APTX: variants seen among roughly 807,000 people sequenced by gnomAD.
APTX encodes the protein forkhead-associated domain histidine triad-like protein.
A neutral mutation model predicts 42.3 loss-of-function variants in APTX; 33 were observed. The ratio of observed to expected loss-of-function variants is 0.78; its 90% CI spans 0.59 to 1.04. APTX has a LOEUF of 1.04. APTX is among the 50% of genes least tolerant of loss of function. APTX has a pLI of 0.00. For missense variants in APTX, 421 were observed against 415.1 expected, an observed-to-expected ratio of 1.01 and a Z score of -0.12; for synonymous variants, 130 against 146.7, an observed-to-expected ratio of 0.89 and a Z score of 0.82.
At chr9:32,973,757 C>T in intron 7 of APTX, 105 bp from the exon 8 acceptor site, 1 of 1,444,048 alleles carries the variant, frequency 6.9e-7, no homozygotes, top group Admixed American at 1.7e-5. Flanking sequence ...ATCAGTATGC[C>T]AGGCCAGGTA....
intron 6 of APTX, among the ~76,000 whole-genome samples, chr9:32,975,540 A>T (rs1339611372): frequency 2.0e-5 from 3 of 152,190 alleles, no homozygotes; most frequent in African/African-American, 7.2e-5. Context: ...ACTACTAAAA[A>T]TACAAAAAAC....
rs77161044 is a variant in APTX at position 33,020,164 on chromosome 9, A to G, written c.-5+4859T>C. ...CCTGGCTCCGACTCCTTTTCTTTGTAAACTAAAGAAAAAAGTATAGCTGTA... is the reference window on the plus strand; with the variant it reads ...CCTGGCTCCGACTCCTTTTCTTTGTGAACTAAAGAAAAAAGTATAGCTGTA... On this transcript the variant is annotated intron_variant, in intron 1 of 6. Transcript: ENST00000436040. 4.6e-3 allele frequency: 1,445 copies of G among 312,580 alleles called. 26 individuals carry two copies. The highest frequency in any genetic ancestry group is 0.029 in the African/African-American group (1,360 of 46,694). The allele number at this position is 312,580 out of a possible 1,614,324, so 19.4% of individuals were successfully genotyped here.
rs186717279 is a variant in APTX at position 33,012,496 on chromosome 9, A to G, written c.-5+12527T>C. On this transcript the variant is annotated intron_variant, in intron 1 of 6. Transcript: ENST00000436040. ...CAAGTACAATACAAGCAGAACCTTAATAACTGCTTACACATTGTGGCCTAT... is the reference window on the plus strand; with the variant it reads ...CAAGTACAATACAAGCAGAACCTTAGTAACTGCTTACACATTGTGGCCTAT... Among the ~76,000 whole-genome samples the G allele has an allele frequency of 2.6e-4, 40 of 152,238 alleles. 1 individual carries two copies. The East Asian group carries it at 2.9e-3, about 11-fold the overall frequency.
intron 1 of APTX, among the ~76,000 whole-genome samples, chr9:33,018,258 G>A (rs576783044): frequency 9.1e-4 from 138 of 150,992 alleles, no homozygotes; most frequent in African/African-American, 3.3e-3. Context: ...CTACAGGCAC[G>A]TGCCACTACA....
chr9:32,988,265 T>C, intron 2 of APTX, 136 bp from the exon 3 acceptor site: 1 of 754,254 alleles, frequency 1.3e-6, no homozygotes, highest in Non-Finnish European at 2.4e-6. Context: ...CTATTAGCAA[T>C]CACCTGTTAT....
At position 32,973,502 on chromosome 9, in the gene APTX, T is replaced by C; in HGVS notation, c.1025A>G (p.Gln342Arg). Reference sequence around the variant, plus strand: ...AGCAGCTCAGGCTCTGCAGAATCACTGTGTCCAGTGCTTCCTGAGATGTTC... The same window carrying C: ...AGCAGCTCAGGCTCTGCAGAATCACCGTGTCCAGTGCTTCCTGAGATGTTC... ...LKEHLRKHWT[Q>R] The change falls in exon 8 of 8, where the codon CAG (glutamine) becomes CGG (arginine). Residue 342 changes from glutamine to arginine, a missense_variant. Transcript: ENST00000379817. 6.2e-7 allele frequency: 1 copy of C among 1,614,080 alleles called. No individual in the cohort carries two copies.
At chr9:33,015,758 TAC>T (rs1405656117) in intron 1 of APTX, 1 of 152,252 alleles carries the variant, frequency 6.6e-6, no homozygotes, top group African/African-American at 2.4e-5. Context: ...TTTTTAATCT[TAC>T]AGAGTAGATC....
rs1828519011 is a variant in APTX, at chr9:32,973,455, C to T, written c.*43G>A. 1 of 1,609,566 alleles carries T rather than the reference C, an allele frequency of 6.2e-7. No individual in the cohort carries two copies. Among genetic ancestry groups the T allele is most frequent in the African/African-American group, 1.3e-5 (1 of 74,874 alleles). ...ACCCAGAATAGGTGCCAGCAGTTTGCTCCAGTGGGCCACACCACAGCAGCA... is the reference window on the plus strand; with the variant it reads ...ACCCAGAATAGGTGCCAGCAGTTTGTTCCAGTGGGCCACACCACAGCAGCA... On this transcript the variant is annotated 3_prime_UTR_variant, in exon 8 of 8. Coordinates refer to ENST00000379817, the MANE Select transcript of APTX (RefSeq NM_001195248.2).
chr9:32,976,913 G>A (rs1290736190), intron 6 of APTX, among the ~76,000 whole-genome samples: 1 of 152,130 alleles, frequency 6.6e-6, no homozygotes, highest in Non-Finnish European at 1.5e-5. Context: ...AAATTCATAT[G>A]CTAGTCCAAA....
intron 2 of APTX, among the ~76,000 whole-genome samples, chr9:32,989,363 A>G (rs940506447): frequency 3.3e-5 from 5 of 152,230 alleles, no homozygotes; most frequent in Admixed American, 6.5e-5. Context: ...CCACTGTCTC[A>G]TAATACTTTG....
In APTX at chr9:32,973,337, G is replaced by T; in HGVS notation, c.*161C>A. 1.2e-6 allele frequency: 1 copy of T among 852,598 alleles called. No individual in the cohort carries two copies. Among genetic ancestry groups the T allele is most frequent in the Non-Finnish European group, 1.9e-6 (1 of 521,776 alleles). 52.8% of individuals were successfully genotyped at this position (852,598 alleles called of 1,614,324 possible). ...CAAATTCCTAATCCTGAAGTACTTT[G>T]AGCCACTCTACATTGTGGCCACTCA... On this transcript the variant is annotated 3_prime_UTR_variant, in exon 8 of 8. Transcript: ENST00000379817.
chr9:32,995,349 A>G (rs1237771700), intron 1 of APTX, among the ~76,000 whole-genome samples: 1 of 152,218 alleles, frequency 6.6e-6, no homozygotes. Context: ...GAGTTTGGAA[A>G]AAGTTGATTC....
In APTX at chr9:32,988,078, C is replaced by T; in HGVS notation, c.180+5G>A. 1.2e-6 allele frequency: 2 copies of T among 1,613,764 alleles called. No individual in the cohort carries two copies. The highest frequency in any genetic ancestry group is 1.7e-6 in the Non-Finnish European group (2 of 1,179,650). Reference sequence around the variant, plus strand: ...TATAAAATTCCAAGTTATAAATACACCTACCTGCTTTACCTTGACATATCC... The same window carrying T: ...TATAAAATTCCAAGTTATAAATACATCTACCTGCTTTACCTTGACATATCC... On this transcript the variant is annotated splice_donor_5th_base_variant and intron_variant, in intron 3 of 7. Coordinates refer to ENST00000379817, the MANE Select transcript of APTX (RefSeq NM_001195248.2).
intron 1 of APTX, among the ~76,000 whole-genome samples, chr9:33,012,790 G>A (rs1468289099): frequency 6.6e-6 from 1 of 152,114 alleles, no homozygotes; most frequent in East Asian, 1.9e-4. Flanking sequence ...CAATTTTGAG[G>A]GCAGCTTGCT....
chr9:33,011,098 G>A (rs1045919250), intron 1 of APTX, among the ~76,000 whole-genome samples: 6 of 151,118 alleles, frequency 4.0e-5, no homozygotes, highest in South Asian at 2.1e-4. Context: ...AGCTGAGATC[G>A]TGCCACTGCA....
Position 32,973,546 on chromosome 9 carries a change from A to G in APTX, c.981T>C (p.Pro327=). Residue 327 remains proline (P), a synonymous_variant, in exon 8 of 8, where the codon CCT becomes CCC. Coordinates refer to ENST00000379817, the MANE Select transcript of APTX (RefSeq NM_001195248.2). ...GATGTTCTTTCAGCTGAGGAATGGA[A>G]GGCAGCAGCTGCTGGCACTCATGAC... ...LRCHECQQLL[P]SIPQLKEHLR... 6.2e-7 allele frequency: 1 copy of G among 1,614,030 alleles called. No individual in the cohort carries two copies. Among genetic ancestry groups the G allele is most frequent in the Admixed American group, 1.7e-5 (1 of 60,006 alleles).
chr9:32,981,642 A>G (rs1379492303), intron 6 of APTX, among the ~76,000 whole-genome samples: 5 of 152,354 alleles, frequency 3.3e-5, no homozygotes, highest in South Asian at 2.1e-4. Context: ...TTGAAGGCGT[A>G]TCTAAGTGAC....
upstream of APTX, among the ~76,000 whole-genome samples, chr9:33,003,348 A>G (rs1244019895): frequency 6.6e-6 from 1 of 152,184 alleles, no homozygotes; most frequent in Non-Finnish European, 1.5e-5. Context: ...CAGGCACTTC[A>G]TATTGCCATG....
intron 4 of APTX, among the ~76,000 whole-genome samples, chr9:32,987,271 T>C (rs913792237): frequency 3.3e-5 from 5 of 152,236 alleles, no homozygotes; most frequent in African/African-American, 9.6e-5. Context: ...AAACCTTCTA[T>C]AGATGCATAA....
Sources: gnomAD v4.1 joint callset for allele counts (sites outside exome capture counted in the v4.1 genomes callset) on GRCh38, gnomAD v4.1.1 for gene constraint, MANE v1.5 for transcripts, NCBI Gene and HGNC (gene_info 2026-07-23, HGNC 2026-07-21) for gene names.